Variants in NELL2 observed in about 807,000 individuals in gnomAD.
The protein encoded by NELL2 is neural EGFL like 2, also known as protein kinase C-binding protein NELL2.
A neutral mutation model predicts 109.6 loss-of-function variants in NELL2; 41 were observed. The ratio of observed to expected loss-of-function variants is 0.37; its 90% CI spans 0.29 to 0.49. The LOEUF (loss-of-function observed/expected upper bound fraction) is 0.49. Ranked by LOEUF, NELL2 falls within the 20% of genes least tolerant of loss-of-function variation. The pLI, the probability that NELL2 is intolerant of heterozygous loss-of-function variation, is 0.98. For synonymous variants in NELL2, 355 were observed against 344.7 expected (o/e 1.03, Z -0.33); for missense variants, 900 against 1,008.3 (o/e 0.89, Z 1.45).
chr12:44,620,703 A>G (rs1380822611), intron 13 of NELL2, among the ~76,000 whole-genome samples: 2 of 151,942 alleles, frequency 1.3e-5, no homozygotes, highest in African/African-American at 2.4e-5. Flanking sequence ...CCCCACATTT[A>G]TCCGGGGCCA....
chr12:44,920,181 GAAGAATAA>G (rs1244946641), intron 1 of NELL2, among the ~76,000 whole-genome samples: 2 of 151,972 alleles, frequency 1.3e-5, no homozygotes, highest in African/African-American at 4.8e-5. Flanking sequence ...AAATAAAGTA[GAAGAATAA>G]ACGGGGTCAA....
intron 15 of NELL2, among the ~76,000 whole-genome samples, chr12:44,550,199 T>G (rs1035935687): frequency 3.9e-5 from 6 of 152,030 alleles, no homozygotes; most frequent in Non-Finnish European, 8.8e-5. Context: ...CACAAAAGAA[T>G]GAAACTGGGC....
chr12:44,564,019 T>C (rs1473677825), intron 15 of NELL2, among the ~76,000 whole-genome samples: 2 of 152,134 alleles, frequency 1.3e-5, no homozygotes, highest in Non-Finnish European at 2.9e-5. Flanking sequence ...AGTACATAAA[T>C]AGGATGATAA....
upstream of NELL2, among the ~76,000 whole-genome samples, chr12:44,916,152 A>C (rs1404073733): frequency 1.3e-5 from 2 of 152,232 alleles, no homozygotes; most frequent in Non-Finnish European, 2.9e-5. Context: ...AAGGATGCTG[A>C]CACAGCAGAT....
At chr12:44,678,710 C>G (rs1173338471) in intron 12 of NELL2, among the ~76,000 whole-genome samples, 1 of 152,010 alleles carries the variant, frequency 6.6e-6, no homozygotes, top group African/African-American at 2.4e-5. Context: ...AGTGTAGTAT[C>G]ATGAAGACAA....
intron 1 of NELL2, among the ~76,000 whole-genome samples, chr12:44,913,107 T>C (rs960218503): frequency 6.6e-6 from 1 of 152,178 alleles, no homozygotes; most frequent in African/African-American, 2.4e-5. Context: ...ATAGGGAGTG[T>C]TTTTCTTTCC....
chr12:44,527,187 A>G (rs182459945), intron 16 of NELL2, among the ~76,000 whole-genome samples: 26 of 152,360 alleles, frequency 1.7e-4, no homozygotes, highest in African/African-American at 5.5e-4. Flanking sequence ...CTTGAACAGA[A>G]TATTTAAAAT....
At chr12:44,814,161 G>A (rs1943262307) in intron 3 of NELL2, among the ~76,000 whole-genome samples, 1 of 152,090 alleles carries the variant, frequency 6.6e-6, no homozygotes, top group Non-Finnish European at 1.5e-5. Flanking sequence ...GCAGATGGAG[G>A]GCCCTAGCAC....
chr12:44,777,343 A>G (rs370937726), intron 5 of NELL2, 29 bp from the exon 6 acceptor site: 1 of 1,583,584 alleles, frequency 6.3e-7, no homozygotes, highest in African/African-American at 1.3e-5. Context: ...AAAAAAAGAC[A>G]TATTACTTTC....
chr12:44,742,509 T>C (rs1320181410), intron 9 of NELL2, among the ~76,000 whole-genome samples: 1 of 152,184 alleles, frequency 6.6e-6, no homozygotes, highest in Non-Finnish European at 1.5e-5. Context: ...CAAACTACTC[T>C]GAGCTACAGG....
chr12:44,685,299 T>G (rs1337403948), intron 12 of NELL2, among the ~76,000 whole-genome samples: 1 of 152,020 alleles, frequency 6.6e-6, no homozygotes, highest in Admixed American at 6.5e-5. Flanking sequence ...ATTTTGAGCC[T>G]ATGTGTGTCT....
chr12:44,921,419 T>C (rs1188044369), intron 1 of NELL2, among the ~76,000 whole-genome samples: 1 of 152,100 alleles, frequency 6.6e-6, no homozygotes, highest in Non-Finnish European at 1.5e-5. Context: ...ATTCAGTAAC[T>C]ACGTAGGCGG....
At chr12:44,609,639 A>T (rs1215813830) in intron 14 of NELL2, among the ~76,000 whole-genome samples, 1 of 152,026 alleles carries the variant, frequency 6.6e-6, no homozygotes, top group Non-Finnish European at 1.5e-5. Flanking sequence ...GTGGGATTTG[A>T]ATCCCCAAAT....
intron 16 of NELL2, among the ~76,000 whole-genome samples, chr12:44,528,533 G>T (rs996714855): frequency 1.1e-4 from 16 of 152,082 alleles, no homozygotes; most frequent in Non-Finnish European, 2.1e-4. Flanking sequence ...TTCTAATGAA[G>T]AGATTAGCTA....
intron 13 of NELL2, among the ~76,000 whole-genome samples, chr12:44,623,027 A>G (rs1404947741): frequency 1.3e-5 from 2 of 152,120 alleles, no homozygotes; most frequent in Non-Finnish European, 2.9e-5. Context: ...TTTAGAGCTA[A>G]TATCTTTAAA....
intron 15 of NELL2, among the ~76,000 whole-genome samples, chr12:44,561,039 TA>T (rs1555176339): frequency 6.6e-6 from 1 of 152,186 alleles, no homozygotes; most frequent in African/African-American, 2.4e-5. Flanking sequence ...TGCAAATCAA[TA>T]AACATAATCC....
chr12:44,648,839 G>T (rs1053857032), intron 13 of NELL2, among the ~76,000 whole-genome samples: 16 of 146,426 alleles, frequency 1.1e-4, no homozygotes, highest in Non-Finnish European at 1.9e-4. Flanking sequence ...AGGTCCAAGC[G>T]ATTCTCCTGC....
chr12:44,580,188 A>G (rs1399466619), intron 15 of NELL2, among the ~76,000 whole-genome samples: 1 of 152,002 alleles, frequency 6.6e-6, no homozygotes, highest in Non-Finnish European at 1.5e-5. Flanking sequence ...AGAGACTCCT[A>G]CTCTGGTATA....
chr12:44,564,950 A>T (rs904402842), intron 15 of NELL2, among the ~76,000 whole-genome samples: 1 of 152,158 alleles, frequency 6.6e-6, no homozygotes, highest in East Asian at 1.9e-4. Context: ...TATATCCCTT[A>T]CAGCAGTGGT....
Sources: allele counts gnomAD v4.1 joint callset (sites outside exome capture counted in the v4.1 genomes callset), GRCh38; gene constraint gnomAD v4.1.1; transcripts MANE v1.5; gene names NCBI Gene and HGNC (gene_info 2026-07-23, HGNC 2026-07-21).